The following HIVEP3 variants were observed in gnomAD, a reference collection of about 807,000 sequenced individuals.
HIVEP3 encodes HIVEP zinc finger 3.
In HIVEP3, 49 loss-of-function variants were observed where a neutral mutation model predicts 152.8. The observed-to-expected ratio is 0.32, with a 90% confidence interval of 0.26 to 0.41. HIVEP3 has a LOEUF of 0.41. Ranked by LOEUF, HIVEP3 falls within the 10% of genes least tolerant of loss-of-function variation. The pLI is 1.00. For missense variants in HIVEP3, 2,790 were observed against 3,103.3 expected, an observed-to-expected ratio of 0.90 and a Z score of 2.40; for synonymous variants, 1,269 against 1,289.0, an observed-to-expected ratio of 0.98 and a Z score of 0.33.
At chr1:41,882,163 T>C (rs1263926972) in intron 1 of HIVEP3, among the ~76,000 whole-genome samples, 1 of 152,136 alleles carries the variant, frequency 6.6e-6, no homozygotes, top group African/African-American at 2.4e-5. Context: ...AACTGCTTGA[T>C]TTTCAGGAAG....
At chr1:41,964,891 C>T (rs1645189173) in intron 1 of HIVEP3, among the ~76,000 whole-genome samples, 1 of 152,394 alleles carries the variant, frequency 6.6e-6, no homozygotes, top group Admixed American at 6.5e-5. Context: ...GAGCAGTGCA[C>T]CCGTTCTGCC....
intron 1 of HIVEP3, among the ~76,000 whole-genome samples, chr1:41,735,089 G>T (rs1382065373): frequency 2.6e-5 from 4 of 152,158 alleles, no homozygotes; most frequent in African/African-American, 9.7e-5. Context: ...CAACACATTT[G>T]TCTTCAACAA....
chr1:41,877,884 T>C (rs372517187), intron 1 of HIVEP3, among the ~76,000 whole-genome samples: 1 of 152,322 alleles, frequency 6.6e-6, no homozygotes, highest in East Asian at 1.9e-4. Flanking sequence ...AATCAGATAA[T>C]TTAAATCAGA....
intron 1 of HIVEP3, among the ~76,000 whole-genome samples, chr1:41,911,885 G>A (rs1644801909): frequency 6.6e-6 from 1 of 152,224 alleles, no homozygotes; most frequent in Middle Eastern, 3.4e-3. Context: ...GAGTGGACTT[G>A]GAGAAGTACC....
At chr1:41,575,444 C>T in intron 5 of HIVEP3, 100 bp downstream of exon 5, 4 of 1,312,828 alleles carry the variant, frequency 3.0e-6, no homozygotes, top group Non-Finnish European at 4.3e-6. Flanking sequence ...CACCTGTGGG[C>T]AGAGCCCTTG....
At chr1:41,720,690 C>T (rs1646661884) in intron 1 of HIVEP3, among the ~76,000 whole-genome samples, 1 of 152,224 alleles carries the variant, frequency 6.6e-6, no homozygotes, top group Admixed American at 6.5e-5. Flanking sequence ...AGCAATCCCA[C>T]TGCTGGGTAT....
intron 1 of HIVEP3, among the ~76,000 whole-genome samples, chr1:42,025,595 T>A (rs554290365): frequency 6.6e-6 from 1 of 152,368 alleles, no homozygotes; most frequent in South Asian, 2.1e-4. Context: ...GTACTGCTCA[T>A]TGACCCTTGA....
intron 1 of HIVEP3, among the ~76,000 whole-genome samples, chr1:41,747,360 G>A (rs1373439540): frequency 2.6e-5 from 4 of 152,212 alleles, no homozygotes; most frequent in South Asian, 2.1e-4. Flanking sequence ...ACCCATGGCA[G>A]TGCCAGTCAC....
intron 1 of HIVEP3, among the ~76,000 whole-genome samples, chr1:41,723,217 GA>G (rs1338765447): frequency 6.6e-6 from 1 of 152,134 alleles, no homozygotes; most frequent in Non-Finnish European, 1.5e-5. Flanking sequence ...GGAGTGACAG[GA>G]AGGGACACAT....
At chr1:41,692,001 T>C (rs940837588) in intron 2 of HIVEP3, among the ~76,000 whole-genome samples, 4 of 151,770 alleles carry the variant, frequency 2.6e-5, no homozygotes, top group Non-Finnish European at 5.9e-5. Context: ...TGCGCCACCA[T>C]GCCCAGATAA....
intron 2 of HIVEP3, 92 bp from the exon 3 acceptor site, chr1:41,629,039 C>T (rs1645157185): frequency 2.1e-6 from 2 of 959,128 alleles, no homozygotes; most frequent in South Asian, 5.5e-5. Flanking sequence ...CTGGAGGACA[C>T]ACCCCCCAAC....
chr1:41,517,535 C>A (rs1642643496), intron 7 of HIVEP3, among the ~76,000 whole-genome samples: 1 of 151,618 alleles, frequency 6.6e-6, no homozygotes, highest in African/African-American at 2.4e-5. Flanking sequence ...AAAAACAGAA[C>A]AAGACACACA....
At chr1:41,960,854 C>T (rs760108083) in intron 1 of HIVEP3, among the ~76,000 whole-genome samples, 1 of 152,168 alleles carries the variant, frequency 6.6e-6, no homozygotes, top group Non-Finnish European at 1.5e-5. Context: ...TACTTCCCTG[C>T]CCCACTGTGG....
At chr1:41,574,480 C>T (rs1644297858) in intron 5 of HIVEP3, among the ~76,000 whole-genome samples, 3 of 152,310 alleles carry the variant, frequency 2.0e-5, no homozygotes, top group Middle Eastern at 6.8e-3. Context: ...CACCCTCTCT[C>T]CTGAGAGCCC....
intron 1 of HIVEP3, among the ~76,000 whole-genome samples, chr1:41,824,998 G>T (rs936918113): frequency 6.6e-6 from 1 of 151,688 alleles, no homozygotes. Context: ...TTGGCCTCCC[G>T]AGTAGATGGG....
intron 5 of HIVEP3, among the ~76,000 whole-genome samples, chr1:41,568,501 C>T (rs1249118492): frequency 2.6e-5 from 4 of 152,194 alleles, no homozygotes; most frequent in African/African-American, 7.2e-5. Flanking sequence ...GGCGTAGGAG[C>T]GGCAGGGTGT....
chr1:42,025,609 T>C (rs1557566769), intron 1 of HIVEP3, among the ~76,000 whole-genome samples: 1 of 152,320 alleles, frequency 6.6e-6, no homozygotes, highest in East Asian at 1.9e-4. Flanking sequence ...CCCTTGAAAA[T>C]TAGGAAGAAG....
intron 1 of HIVEP3, among the ~76,000 whole-genome samples, chr1:41,836,425 G>T (rs1249281746): frequency 6.6e-6 from 1 of 152,200 alleles, no homozygotes; most frequent in African/African-American, 2.4e-5. Flanking sequence ...AGCTGCTGAG[G>T]GTGACAAGGG....
chr1:41,550,362 T>C (rs2265862), intron 5 of HIVEP3, among the ~76,000 whole-genome samples: 122,627 of 152,116 alleles, frequency 0.81, 50,265 homozygotes, highest in Non-Finnish European at 0.89. Flanking sequence ...AGTGCGGGCT[T>C]TTTTTTGGTT....
Sources: allele counts gnomAD v4.1 joint callset (sites outside exome capture counted in the v4.1 genomes callset), GRCh38; gene constraint gnomAD v4.1.1; transcripts MANE v1.5; gene names NCBI Gene and HGNC (gene_info 2026-07-23, HGNC 2026-07-21).